OMA1: variants seen among roughly 807,000 people sequenced by gnomAD.
OMA1 encodes the protein OMA1 zinc metallopeptidase, also known as metalloendopeptidase OMA1, mitochondrial.
OMA1 carries 38 observed loss-of-function variants against 30.9 expected under a neutral mutation model. That is an observed-to-expected ratio of 1.23 (90% CI 0.95 to 1.61). The LOEUF (loss-of-function observed/expected upper bound fraction) is 1.61. Among genes scored for constraint, OMA1 ranks in the 40% most tolerant of loss-of-function variants. The pLI is 0.00. For synonymous variants in OMA1, 173 were observed against 121.9 expected (o/e 1.42, Z -2.76); for missense variants, 461 against 349.2 (o/e 1.32, Z -2.55).
rs931779821 is a variant in OMA1 at position 58,539,001 on chromosome 1, A to G, written c.294T>C (p.Thr98=). The G allele has an allele frequency of 1.1e-6, 1 of 872,764 alleles. No homozygotes were observed. Among genetic ancestry groups the G allele is most frequent in the African/African-American group, 1.6e-5 (1 of 61,330 alleles). 54.1% of individuals were successfully genotyped at this position (872,764 alleles called of 1,614,324 possible). A position where few individuals can be genotyped will look rare whatever the true frequency, so the allele number is the denominator to read the frequency against. ...GTCTTGAAAAAGCATCATTCCATAC[A>G]GTACATTTGCTGGTAATCCTCCAAA... ...KEIWRITSKC[T]VWNDAFSRQL... is the part of the protein sequence containing the mutation. Residue 98 remains threonine (T), a synonymous_variant, in exon 2 of 9, where the codon ACT becomes ACC. Transcript: ENST00000371226.
chr1:58,526,187 A>G (rs921613140), intron 7 of OMA1, among the ~76,000 whole-genome samples: 3 of 152,116 alleles, frequency 2.0e-5, no homozygotes, highest in African/African-American at 7.2e-5. Context: ...TTCTTAATAC[A>G]GCCAATCTGT....
chr1:58,536,483 G>A, intron 3 of OMA1, 30 bp downstream of exon 3: 1 of 834,072 alleles, frequency 1.2e-6, no homozygotes, highest in Non-Finnish European at 2.1e-6. Flanking sequence ...ATATTAAGCA[G>A]TCTAATTAAA....
intron 7 of OMA1, among the ~76,000 whole-genome samples, chr1:58,525,618 C>T (rs1166497252): frequency 2.6e-5 from 4 of 152,010 alleles, no homozygotes; most frequent in Non-Finnish European, 5.9e-5. Flanking sequence ...AGAATCAATA[C>T]TACAGACACT....
At chr1:58,509,871 T>G (rs1646047342) in intron 7 of OMA1, among the ~76,000 whole-genome samples, 1 of 151,950 alleles carries the variant, frequency 6.6e-6, no homozygotes, top group Non-Finnish European at 1.5e-5. Context: ...AACAATTATA[T>G]GCCCACAAAC....
Position 58,530,592 on chromosome 1 carries a change from C to A in OMA1, c.1140+9G>T. On this transcript the variant is annotated intron_variant, in intron 6 of 8. Transcript: ENST00000371226. Reference sequence around the variant, plus strand: ...CTATGATCAATTCAAGTTATTGTCTCAGACTTACCTCCTGCAATTTAGACT... The same window carrying A: ...CTATGATCAATTCAAGTTATTGTCTAAGACTTACCTCCTGCAATTTAGACT... The A allele has an allele frequency of 1.1e-6, 1 of 870,348 alleles. No homozygotes were observed. Among genetic ancestry groups the A allele is most frequent in the South Asian group, 1.3e-5 (1 of 76,236 alleles). 53.9% of individuals were successfully genotyped at this position (870,348 alleles called of 1,614,324 possible).
rs146953678 is a variant in OMA1, at chr1:58,510,737, A to C, written c.1216-4528T>G. On this transcript the variant is annotated intron_variant, in intron 7 of 8. Transcript: ENST00000371226. ...GAAAACTAAAGACTCCACACACACA[A>C]AAAAAAACCCTGCTAGAACTAATAA... Among the ~76,000 whole-genome samples the C allele has an allele frequency of 8.7e-3, 1,323 of 151,952 alleles. 15 individuals carry two copies. The highest frequency in any genetic ancestry group is 0.019 in the African/African-American group (795 of 41,464).
At chr1:58,485,171 C>A (rs946066945) in intron 8 of OMA1, among the ~76,000 whole-genome samples, 1 of 136,890 alleles carries the variant, frequency 7.3e-6, no homozygotes. Flanking sequence ...AATCTCTATA[C>A]CTTCTACTCA....
Position 58,524,820 on chromosome 1 carries a change from C to G in OMA1, c.1215+2441G>C, listed in dbSNP as rs542238438. On this transcript the variant is annotated intron_variant, in intron 7 of 8. Coordinates refer to ENST00000371226, the MANE Select transcript of OMA1 (RefSeq NM_145243.5). The stretch of plus-strand genomic sequence containing the variant: ...TACTCAAGGTGTTTACAGTATTGCA[C>G]TAAACACAATGAAAAATATGCAAGA... 4.6e-5 allele frequency among the ~76,000 whole-genome samples: 7 copies of G among 152,258 alleles called. 1 individual carries two copies. The East Asian group carries it at 1.4e-3, about 29-fold the overall frequency.
chr1:58,496,208 C>T (rs559558366), intron 8 of OMA1, among the ~76,000 whole-genome samples: 2 of 150,590 alleles, frequency 1.3e-5, no homozygotes, highest in South Asian at 2.1e-4. Flanking sequence ...TTTGGTTGTG[C>T]TATGTTCCTC....
intron 8 of OMA1, among the ~76,000 whole-genome samples, chr1:58,492,876 A>C (rs1645723483): frequency 6.6e-6 from 1 of 152,230 alleles, no homozygotes; most frequent in African/African-American, 2.4e-5. Flanking sequence ...AAACTATTCC[A>C]ATCAACAGAA....
intron 8 of OMA1, among the ~76,000 whole-genome samples, chr1:58,488,276 A>C (rs1645611720): frequency 6.6e-6 from 1 of 152,098 alleles, no homozygotes; most frequent in East Asian, 1.9e-4. Flanking sequence ...TGTTATATTA[A>C]TTTTACTATA....
At chr1:58,530,806 G>A (rs952464415) in intron 5 of OMA1, 77 bp from the exon 6 acceptor site, 5 of 770,990 alleles carry the variant, frequency 6.5e-6, no homozygotes, top group Non-Finnish European at 1.1e-5. Flanking sequence ...AGTTCATCAT[G>A]TGTTACAATT....
intron 1 of OMA1, among the ~76,000 whole-genome samples, chr1:58,541,289 G>C (rs1557460848): frequency 2.0e-5 from 1 of 49,870 alleles, no homozygotes; most frequent in Non-Finnish European, 3.4e-5. Context: ...GTGAGACTCT[G>C]TCTCAAAAAA....
intron 7 of OMA1, among the ~76,000 whole-genome samples, chr1:58,522,826 C>A (rs1646287943): frequency 6.6e-6 from 1 of 152,080 alleles, no homozygotes; most frequent in African/African-American, 2.4e-5. Context: ...AATATATTTA[C>A]TATTCATTAA....
At position 58,536,717 on chromosome 1, in the gene OMA1, T is replaced by C. The variant is rs775189305; in HGVS notation, c.525A>G (p.Ala175=). Residue 175 remains alanine, a synonymous_variant, in exon 3 of 9, where the codon GCA becomes GCG. Coordinates refer to ENST00000371226, the MANE Select transcript of OMA1 (RefSeq NM_145243.5). ...VGRGIRKWWQ[A]LPPNKKEVVK... ...CTACTTCCTTCTTGTTAGGAGGAAG[T>C]GCCTGCCACCATTTCCTTATGCCCC... is the stretch of plus-strand genomic sequence containing the variant. The C allele has an allele frequency of 3.4e-6, 3 of 872,702 alleles. No homozygotes were observed. Among genetic ancestry groups the C allele is most frequent in the Admixed American group, 3.4e-5 (2 of 59,178 alleles). The allele number at this position is 872,702 out of a possible 1,614,324, so 54.1% of individuals were successfully genotyped here. A position where few individuals can be genotyped will look rare whatever the true frequency, so the allele number is the denominator to read the frequency against.
chr1:58,535,413 G>A (rs148911557), intron 3 of OMA1, among the ~76,000 whole-genome samples: 12 of 151,990 alleles, frequency 7.9e-5, no homozygotes, highest in Admixed American at 3.3e-4. Context: ...TGGCCAACAC[G>A]GATGAAACCC....
At chr1:58,513,032 C>T (rs1453965258) in intron 7 of OMA1, among the ~76,000 whole-genome samples, 2 of 152,108 alleles carry the variant, frequency 1.3e-5, no homozygotes, top group East Asian at 1.9e-4. Flanking sequence ...ACTTATTAAG[C>T]AACTGATATG....
intron 7 of OMA1, among the ~76,000 whole-genome samples, chr1:58,521,365 T>C (rs1646260211): frequency 6.6e-6 from 1 of 151,852 alleles, no homozygotes; most frequent in African/African-American, 2.4e-5. Flanking sequence ...ATAGTAGTAT[T>C]CATCTTAAGT....
chr1:58,488,730 G>GT (rs1645620764), intron 8 of OMA1, among the ~76,000 whole-genome samples: 1 of 152,148 alleles, frequency 6.6e-6, no homozygotes, highest in South Asian at 2.1e-4. Flanking sequence ...GATTACAGGC[G>GT]TGAGCCACCA....
Sources: allele counts gnomAD v4.1 joint callset (sites outside exome capture counted in the v4.1 genomes callset), GRCh38; gene constraint gnomAD v4.1.1; transcripts MANE v1.5; gene names NCBI Gene and HGNC (gene_info 2026-07-23, HGNC 2026-07-21).